The following RAB38 variants were observed in gnomAD, a reference collection of about 807,000 sequenced individuals.
RAB38 encodes the protein ras-related protein Rab-38.
Under a neutral mutation model 18.4 loss-of-function variants are expected in RAB38, and 15 were observed. The ratio of observed to expected loss-of-function variants is 0.82; its 90% confidence interval spans 0.55 to 1.26. The LOEUF is 1.26. RAB38 is among the 50% of genes most tolerant of loss of function. The probability of loss-of-function intolerance (pLI) is 0.00; values close to 1 mark genes in which losing one functional copy is unlikely to be tolerated. For missense variants in RAB38, 294 were observed against 267.4 expected, an observed-to-expected ratio of 1.10 and a Z score of -0.69; for synonymous variants, 101 against 104.4, an observed-to-expected ratio of 0.97 and a Z score of 0.20.
the RAB38 span, among the ~76,000 whole-genome samples, chr11:88,070,989 T>C: frequency 2.6e-5 from 4 of 152,190 alleles, no homozygotes; most frequent in Non-Finnish European, 5.9e-5. Context: ...TGGGCTAATA[T>C]GAACGTTTAA....
chr11:88,159,505 A>T (rs1943163986), intron 1 of RAB38, among the ~76,000 whole-genome samples: 1 of 150,538 alleles, frequency 6.6e-6, no homozygotes, highest in African/African-American at 2.5e-5. Context: ...TTATGGAATT[A>T]AAAAAAAGAC....
chr11:88,105,828 G>T, the RAB38 span, among the ~76,000 whole-genome samples: 3 of 152,114 alleles, frequency 2.0e-5, no homozygotes, highest in African/African-American at 7.2e-5. Flanking sequence ...AAGAAATCCT[G>T]CCAGAATCAC....
chr11:87,937,870 G>GTTT, the RAB38 span, among the ~76,000 whole-genome samples: 627 of 91,604 alleles, frequency 6.8e-3, 1 homozygote, highest in Non-Finnish European at 0.011. Flanking sequence ...TCATTGAAGT[G>GTTT]TTTTTTTTTT....
the RAB38 span, among the ~76,000 whole-genome samples, chr11:87,810,372 C>T: frequency 1.3e-5 from 2 of 152,126 alleles, no homozygotes; most frequent in African/African-American, 4.8e-5. Flanking sequence ...AGGCATGCAC[C>T]ACCATGTCTA....
chr11:87,976,755 T>C, the RAB38 span, among the ~76,000 whole-genome samples: 12 of 115,856 alleles, frequency 1.0e-4, no homozygotes, highest in Non-Finnish European at 1.1e-4. Flanking sequence ...TATATTTATA[T>C]ATATTTCACA....
chr11:87,974,245 A>T, the RAB38 span, among the ~76,000 whole-genome samples: 1 of 152,012 alleles, frequency 6.6e-6, no homozygotes, highest in African/African-American at 2.4e-5. Flanking sequence ...AGCTACAATG[A>T]GAGAACATAT....
chr11:87,913,570 A>G, the RAB38 span, among the ~76,000 whole-genome samples: 1 of 152,118 alleles, frequency 6.6e-6, no homozygotes, highest in Admixed American at 6.5e-5. Context: ...TGTCTCCACC[A>G]AAAGTCACAT....
chr11:87,919,083 C>T, the RAB38 span, among the ~76,000 whole-genome samples: 1 of 151,724 alleles, frequency 6.6e-6, no homozygotes, highest in Admixed American at 6.6e-5. Flanking sequence ...GTGTAGATAT[C>T]CAGTTTTCCA....
chr11:87,932,823 T>C, the RAB38 span, among the ~76,000 whole-genome samples: 3 of 152,106 alleles, frequency 2.0e-5, no homozygotes, highest in Admixed American at 6.6e-5. Flanking sequence ...CAAACTGTAC[T>C]GGTTACTCAG....
the RAB38 span, among the ~76,000 whole-genome samples, chr11:88,077,363 C>A: frequency 1.3e-5 from 2 of 151,560 alleles, no homozygotes; most frequent in African/African-American, 2.4e-5. Flanking sequence ...TTAAAAAAAA[C>A]AACAAAGCTG....
At chr11:88,163,696 A>G (rs1591178158) in intron 1 of RAB38, among the ~76,000 whole-genome samples, 1 of 152,190 alleles carries the variant, frequency 6.6e-6, no homozygotes, top group East Asian at 1.9e-4. Context: ...CAAAAGATGG[A>G]TGGATTATAG....
chr11:88,041,473 C>T, the RAB38 span, among the ~76,000 whole-genome samples: 1 of 152,180 alleles, frequency 6.6e-6, no homozygotes, highest in Non-Finnish European at 1.5e-5. Flanking sequence ...ACGTTTTACC[C>T]AAACGATTCA....
chr11:88,028,588 G>C, the RAB38 span, among the ~76,000 whole-genome samples: 1 of 152,196 alleles, frequency 6.6e-6, no homozygotes, highest in East Asian at 1.9e-4. Flanking sequence ...GAATGCAGAA[G>C]CCTCAGGAGC....
the RAB38 span, among the ~76,000 whole-genome samples, chr11:87,929,334 G>T: frequency 6.6e-6 from 1 of 151,036 alleles, no homozygotes. Flanking sequence ...ATCTTTTCAT[G>T]TACATATGTT....
chr11:87,948,607 G>C, the RAB38 span, among the ~76,000 whole-genome samples: 41 of 152,028 alleles, frequency 2.7e-4, no homozygotes, highest in African/African-American at 3.9e-4. Flanking sequence ...TAGCATGAAG[G>C]GTTCTTGAAT....
At chr11:88,044,250 C>T in the RAB38 span, among the ~76,000 whole-genome samples, 1 of 152,190 alleles carries the variant, frequency 6.6e-6, no homozygotes, top group African/African-American at 2.4e-5. Context: ...GGTCCTTCAC[C>T]CTTAGCAGAA....
intron 1 of RAB38, among the ~76,000 whole-genome samples, chr11:88,163,769 T>G (rs1318632877): frequency 6.6e-6 from 1 of 152,154 alleles, no homozygotes; most frequent in Non-Finnish European, 1.5e-5. Flanking sequence ...TATATTTAAA[T>G]TTAAAGCAGT....
At chr11:87,976,151 T>C in the RAB38 span, among the ~76,000 whole-genome samples, 1 of 148,676 alleles carries the variant, frequency 6.7e-6, no homozygotes, top group Non-Finnish European at 1.5e-5. Flanking sequence ...TATATATACA[T>C]ATATATACCT....
At chr11:87,901,458 TA>T in the RAB38 span, among the ~76,000 whole-genome samples, 1 of 151,624 alleles carries the variant, frequency 6.6e-6, no homozygotes, top group Non-Finnish European at 1.5e-5. Context: ...ATATTTTTTC[TA>T]AAGAATTTTA....
Sources: gnomAD v4.1 joint callset for allele counts (sites outside exome capture counted in the v4.1 genomes callset) on GRCh38, gnomAD v4.1.1 for gene constraint, MANE v1.5 for transcripts, NCBI Gene and HGNC (gene_info 2026-07-23, HGNC 2026-07-21) for gene names.